Variants in KTN1 observed in about 807,000 individuals in gnomAD.
KTN1 encodes the protein kinectin 1.
Under a neutral mutation model 222.5 loss-of-function variants are expected in KTN1, and 130 were observed. The observed-to-expected ratio is 0.58, with a 90% CI of 0.51 to 0.68. The LOEUF (loss-of-function observed/expected upper bound fraction) is 0.68. KTN1 is among the 30% of genes least tolerant of loss of function. The probability of loss-of-function intolerance (pLI) is 0.00; values close to 1 mark genes in which losing one functional copy is unlikely to be tolerated. For synonymous variants in KTN1, 512 were observed against 496.3 expected, an observed-to-expected ratio of 1.03 and a Z score of -0.42; for missense variants, 1,508 against 1,500.4, an observed-to-expected ratio of 1.01 and a Z score of -0.08.
chr14:55,590,439 G>A (rs990761220), intron 1 of KTN1, among the ~76,000 whole-genome samples: 3 of 152,090 alleles, frequency 2.0e-5, no homozygotes, highest in African/African-American at 7.2e-5. Flanking sequence ...AAGATATAAA[G>A]ACATAATGAA....
At chr14:55,649,046 T>A (rs1050931774) in intron 21 of KTN1, among the ~76,000 whole-genome samples, 176 bp downstream of exon 21, 5 of 152,126 alleles carry the variant, frequency 3.3e-5, no homozygotes, top group Admixed American at 3.3e-4. Flanking sequence ...CCTCCCTCAG[T>A]CTTCTAAGTA....
chr14:55,636,160 T>G (rs1488018084), intron 9 of KTN1, among the ~76,000 whole-genome samples: 2 of 152,204 alleles, frequency 1.3e-5, no homozygotes, highest in African/African-American at 4.8e-5. Context: ...GTGGATCAGA[T>G]GTATATAGTA....
In KTN1 at chr14:55,648,889, A is replaced by C. The variant is rs772437812; in HGVS notation, c.2367+19A>C. 2 of 1,457,376 alleles carry C rather than the reference A, an allele frequency of 1.4e-6. No homozygotes were observed. Among genetic ancestry groups the C allele is most frequent in the African/African-American group, 2.8e-5 (2 of 71,090 alleles). 90.3% of individuals were successfully genotyped at this position (1,457,376 alleles called of 1,614,324 possible). ...TGATCAGGTAATGTAAATTTTTACA[A>C]CTGTTCTTTGTCTCTGTGTTTTTTG... is the stretch of plus-strand genomic sequence containing the variant. On this transcript the variant is annotated intron_variant, in intron 21 of 43. Transcript: ENST00000395314.
chr14:55,683,996 T>C, intron 43 of KTN1, 103 bp from the exon 44 acceptor site: 2 of 918,472 alleles, frequency 2.2e-6, no homozygotes, highest in Non-Finnish European at 3.4e-6. Flanking sequence ...AGGGCCATGC[T>C]AGATCAAATG....
rs1595026698 is a variant in KTN1, at chr14:55,639,816, C to G, written c.1824-97C>G. On this transcript the variant is annotated intron_variant, in intron 13 of 43. Coordinates refer to ENST00000395314, the MANE Select transcript of KTN1 (RefSeq NM_001079521.2). ...TATAGAAATGGAAGGTATATGAGAA[C>G]TACTGAAGTAAGGATGATGCTTTTT... The G allele has an allele frequency of 4.0e-6, 3 of 755,830 alleles. No individual in the cohort carries two copies. The East Asian group carries it at 7.4e-5, about 19-fold the overall frequency. 46.8% of individuals were successfully genotyped at this position (755,830 alleles called of 1,614,324 possible). A position where few individuals can be genotyped will look rare whatever the true frequency, so the allele number is the denominator to read the frequency against.
intron 1 of KTN1, among the ~76,000 whole-genome samples, chr14:55,610,943 G>C (rs2037464375): frequency 6.6e-6 from 1 of 152,244 alleles, no homozygotes; most frequent in Non-Finnish European, 1.5e-5. Flanking sequence ...AAGTAGGGCT[G>C]ATGTTCTGTT....
intron 1 of KTN1, among the ~76,000 whole-genome samples, chr14:55,590,569 G>C (rs2033923593): frequency 6.6e-6 from 1 of 151,726 alleles, no homozygotes; most frequent in South Asian, 2.1e-4. Flanking sequence ...GCCAGATCTA[G>C]TTGTATCCCT....
At chr14:55,584,739 A>T (rs1031988245) in intron 1 of KTN1, among the ~76,000 whole-genome samples, 2 of 152,234 alleles carry the variant, frequency 1.3e-5, no homozygotes, top group African/African-American at 4.8e-5. Flanking sequence ...CATAGCTTCT[A>T]TGAGGGTAGG....
chr14:55,586,048 T>C (rs781008723), intron 1 of KTN1, among the ~76,000 whole-genome samples: 2 of 152,228 alleles, frequency 1.3e-5, no homozygotes, highest in Non-Finnish European at 2.9e-5. Flanking sequence ...ATTATTCTTA[T>C]GCATGAGTCA....
In KTN1 at chr14:55,583,096, A is replaced by G. The variant is rs74411125; in HGVS notation, c.-31+2742A>G. Among the ~76,000 whole-genome samples, 797 of 152,266 alleles carry G rather than the reference A, an allele frequency of 5.2e-3. 5 individuals carry two copies. Among genetic ancestry groups the G allele is most frequent in the Admixed American group, 9.8e-3 (149 of 15,282 alleles). ...GAATATAAGCCTTTTTCCCTCCTCT[A>G]TAAATAGAAAATTAAACATTAAGGG... On this transcript the variant is annotated intron_variant, in intron 1 of 43. Transcript: ENST00000395314.
intron 41 of KTN1, among the ~76,000 whole-genome samples, chr14:55,677,784 C>T (rs1032137985): frequency 4.6e-5 from 7 of 152,272 alleles, no homozygotes; most frequent in Non-Finnish European, 7.4e-5. Flanking sequence ...CTGCAACCTC[C>T]GCCTCCCAGG....
chr14:55,642,305 TTCCCTTAGAGTATTTATTTTA>T (rs2041882814), intron 18 of KTN1, among the ~76,000 whole-genome samples: 1 of 152,162 alleles, frequency 6.6e-6, no homozygotes, highest in South Asian at 2.1e-4. Context: ...CTTAATTCTT[TTCCCTTAGAGTATTTATTTTA>T]TCCATCTCAT....
At chr14:55,610,029 T>C (rs2037312053) in intron 1 of KTN1, among the ~76,000 whole-genome samples, 1 of 152,234 alleles carries the variant, frequency 6.6e-6, no homozygotes, top group African/African-American at 2.4e-5. Flanking sequence ...GAGTTTCTTT[T>C]AGTATTTTGT....
At chr14:55,678,529 G>A (rs547716548) in intron 42 of KTN1, 85 bp downstream of exon 42, 99 of 781,276 alleles carry the variant, frequency 1.3e-4, no homozygotes, top group Non-Finnish European at 1.4e-4. Context: ...GTCCATCTCC[G>A]AAAGTCATCT....
intron 29 of KTN1, among the ~76,000 whole-genome samples, chr14:55,657,380 T>C (rs2043592527): frequency 6.6e-6 from 1 of 150,614 alleles, no homozygotes; most frequent in Non-Finnish European, 1.5e-5. Flanking sequence ...TTCCCACACT[T>C]TTTCCACTGA....
intron 1 of KTN1, among the ~76,000 whole-genome samples, chr14:55,598,884 C>G (rs2035507916): frequency 6.6e-6 from 1 of 152,188 alleles, no homozygotes; most frequent in Non-Finnish European, 1.5e-5. Context: ...TAGCTTTCAA[C>G]AGTTTTTGAA....
chr14:55,671,210 G>C (rs997065374), intron 35 of KTN1: 4 of 253,912 alleles, frequency 1.6e-5, no homozygotes, highest in African/African-American at 6.7e-5. Flanking sequence ...TACTGAAATT[G>C]GGGGGGATTT....
rs1186513617 is a variant in KTN1, at chr14:55,684,441, AC to A, written c.*339del. On this transcript the variant is annotated 3_prime_UTR_variant, in exon 44 of 44. Transcript: ENST00000395314. ...ACAATGTAAAATTTAACATTTTAAT[AC>A]TGATGTTGTACACTGTTTTACTTAA... is the stretch of plus-strand genomic sequence containing the variant. 2 of 253,446 alleles carry A rather than the reference AC, an allele frequency of 7.9e-6. No homozygotes were observed. The highest frequency in any genetic ancestry group is 1.5e-5 in the Non-Finnish European group (2 of 132,884). 15.7% of individuals were successfully genotyped at this position (253,446 alleles called of 1,614,324 possible). A position where few individuals can be genotyped will look rare whatever the true frequency, so the allele number is the denominator to read the frequency against.
chr14:55,634,650 C>A lies in KTN1; in HGVS notation c.1453C>A (p.Gln485Lys). 1.2e-6 allele frequency: 2 copies of A among 1,611,374 alleles called. No individual in the cohort carries two copies. Among genetic ancestry groups the A allele is most frequent in the South Asian group, 1.1e-5 (1 of 90,574 alleles). ...GAAGAATGCTGAGCAAGCAGCTACT[C>A]AGTTGAAGGTGATATATTCTCACCT... is the stretch of plus-strand genomic sequence containing the variant. ...QKKNAEQAAT[Q>K]LKVQLQEAER... is the part of the protein sequence containing the mutation. The change falls in exon 9 of 44, where the codon CAG becomes AAG. Residue 485 changes from glutamine (Q) to lysine (K), a missense_variant. Physicochemically the swap from Gln to Lys is moderately conservative, Grantham distance 53 (BLOSUM62 1). Coordinates refer to ENST00000395314, the MANE Select transcript of KTN1 (RefSeq NM_001079521.2).
Sources: gnomAD v4.1 joint callset for allele counts (sites outside exome capture counted in the v4.1 genomes callset) on GRCh38, gnomAD v4.1.1 for gene constraint, MANE v1.5 for transcripts, NCBI Gene and HGNC (gene_info 2026-07-23, HGNC 2026-07-21) for gene names.